PDE8B: variants seen among roughly 807,000 people sequenced by gnomAD.
The protein encoded by PDE8B is high affinity cAMP-specific and IBMX-insensitive 3',5'-cyclic phosphodiesterase 8B.
Under a neutral mutation model 101.3 loss-of-function variants are expected in PDE8B, and 26 were observed. The observed-to-expected ratio is 0.26, with a 90% CI of 0.19 to 0.36. The LOEUF is 0.36. PDE8B is among the 10% of genes least tolerant of loss of function. The pLI is 1.00. For synonymous variants in PDE8B, 424 were observed against 429.3 expected, an observed-to-expected ratio of 0.99 and a Z score of 0.15; for missense variants, 810 against 1,163.1, an observed-to-expected ratio of 0.70 and a Z score of 4.42.
the PDE8B span, among the ~76,000 whole-genome samples, chr5:77,167,781 G>C: frequency 6.6e-6 from 1 of 152,166 alleles, no homozygotes; most frequent in Non-Finnish European, 1.5e-5. Context: ...TGCTAGGAAT[G>C]TCACCTCAAA....
At chr5:77,204,013 A>G in the PDE8B span, among the ~76,000 whole-genome samples, 6 of 151,458 alleles carry the variant, frequency 4.0e-5, no homozygotes, top group East Asian at 1.2e-3. Context: ...GTAAATGTTA[A>G]AAAAAAATTG....
intron 10 of PDE8B, among the ~76,000 whole-genome samples, chr5:77,378,352 G>A (rs996234313): frequency 2.0e-5 from 3 of 150,466 alleles, no homozygotes; most frequent in Non-Finnish European, 3.0e-5. Context: ...CCAGCTACTC[G>A]GGAGGCTGAG....
the PDE8B span, among the ~76,000 whole-genome samples, chr5:77,190,587 G>C: frequency 3.3e-5 from 5 of 152,312 alleles, no homozygotes; most frequent in East Asian, 5.8e-4. Context: ...ACTGAAATCT[G>C]ATCTGACACA....
At chr5:77,378,946 T>C (rs551306511) in intron 10 of PDE8B, among the ~76,000 whole-genome samples, 81 of 152,330 alleles carry the variant, frequency 5.3e-4, no homozygotes, top group African/African-American at 1.4e-3. Flanking sequence ...GGTTCTTACA[T>C]TGTAGATATT....
upstream of PDE8B, among the ~76,000 whole-genome samples, chr5:77,209,273 T>A (rs1339939924): frequency 6.6e-6 from 1 of 152,174 alleles, no homozygotes; most frequent in Non-Finnish European, 1.5e-5. Context: ...TTGGGAATGA[T>A]ATCTTGCTTC....
At chr5:77,350,987 T>C in intron 8 of PDE8B, 78 bp from the exon 9 acceptor site, 7 of 1,008,440 alleles carry the variant, frequency 6.9e-6, no homozygotes, top group Non-Finnish European at 1.1e-5. Context: ...ATGTTCCTTC[T>C]CAGCCTTCTG....
the PDE8B span, among the ~76,000 whole-genome samples, chr5:77,172,587 C>T: frequency 6.6e-6 from 1 of 152,170 alleles, no homozygotes; most frequent in Non-Finnish European, 1.5e-5. Flanking sequence ...ACTTATATCC[C>T]AACCTCAATT....
chr5:77,411,537 T>C, intron 14 of PDE8B, 139 bp from the exon 15 acceptor site: 1 of 708,842 alleles, frequency 1.4e-6, no homozygotes, highest in Middle Eastern at 3.8e-4. Context: ...TGTGATTTAA[T>C]TTTGAGCTTT....
chr5:77,284,680 T>C (rs79206920), intron 1 of PDE8B, among the ~76,000 whole-genome samples: 2,706 of 152,284 alleles, frequency 0.018, 87 homozygotes, highest in African/African-American at 0.062. Context: ...TTTAAAACCA[T>C]AGGGTAATGT....
At chr5:77,370,892 A>T (rs1784976898) in intron 10 of PDE8B, among the ~76,000 whole-genome samples, 1 of 152,190 alleles carries the variant, frequency 6.6e-6, no homozygotes, top group Admixed American at 6.5e-5. Flanking sequence ...TCTGATGACT[A>T]ATAATGTTGA....
At chr5:77,208,137 A>G (rs997160892), upstream of PDE8B, among the ~76,000 whole-genome samples, 3 of 152,248 alleles carry the variant, frequency 2.0e-5, no homozygotes, top group Admixed American at 6.5e-5. Flanking sequence ...TTTCTGGGTG[A>G]CTTCTAGCTT....
intron 1 of PDE8B, among the ~76,000 whole-genome samples, chr5:77,242,515 C>T (rs1019400183): frequency 6.6e-6 from 1 of 152,126 alleles, no homozygotes; most frequent in African/African-American, 2.4e-5. Flanking sequence ...CTAAAAGAAG[C>T]TAGATATATT....
the PDE8B span, among the ~76,000 whole-genome samples, chr5:77,100,965 CTTTTTTTTTTTTT>C: frequency 1.6e-5 from 2 of 124,412 alleles, no homozygotes; most frequent in African/African-American, 6.1e-5. Context: ...ATTTTTTTTC[CTTTTTTTTTTTTT>C]TTTTTTTTTG....
intron 1 of PDE8B, among the ~76,000 whole-genome samples, chr5:77,301,104 T>C (rs1172351236): frequency 3.3e-5 from 5 of 151,890 alleles, no homozygotes; most frequent in African/African-American, 1.2e-4. Context: ...CACACCAGAG[T>C]CGGGAAAGTG....
chr5:77,176,775 C>T, the PDE8B span, among the ~76,000 whole-genome samples: 24 of 152,176 alleles, frequency 1.6e-4, no homozygotes, highest in Non-Finnish European at 3.4e-4. Context: ...GCATGAACCA[C>T]TAGGAATCAG....
At chr5:77,241,685 C>A (rs1467197498) in intron 1 of PDE8B, among the ~76,000 whole-genome samples, 1 of 152,164 alleles carries the variant, frequency 6.6e-6, no homozygotes, top group African/African-American at 2.4e-5. Context: ...AGCCACCATT[C>A]CTCCCTCTCT....
At chr5:77,290,604 G>A (rs1561477802) in intron 1 of PDE8B, 25 of 1,508,204 alleles carry the variant, frequency 1.7e-5, no homozygotes, top group Middle Eastern at 2.3e-4. Context: ...GAAAATCTTA[G>A]TGGAAGGTGT....
rs1204355980 is a variant in PDE8B, at chr5:77,275,094, G to GC, written c.340-36897dup. ...ACACACACTAGTTGAGTACAGTGGT[G>GC]CCCACCTGTAGTCCCAGCTACTTGG... is the stretch of plus-strand genomic sequence containing the variant. On this transcript the variant is annotated intron_variant, in intron 1 of 21. Transcript: ENST00000264917. Among the ~76,000 whole-genome samples the GC allele has an allele frequency of 5.9e-5, 9 of 152,126 alleles. No homozygotes were observed. In the East Asian group the frequency reaches 1.5e-3, roughly 26 times the overall value.
chr5:77,298,614 A>G (rs1276635142), intron 1 of PDE8B, among the ~76,000 whole-genome samples: 1 of 152,178 alleles, frequency 6.6e-6, no homozygotes, highest in Non-Finnish European at 1.5e-5. Flanking sequence ...CTGGACTTAC[A>G]CCAGTAGAAC....
Sources: allele counts gnomAD v4.1 joint callset (sites outside exome capture counted in the v4.1 genomes callset), GRCh38; gene constraint gnomAD v4.1.1; transcripts MANE v1.5; gene names NCBI Gene and HGNC (gene_info 2026-07-23, HGNC 2026-07-21).